Variants in EFHD2 observed in about 807,000 individuals in gnomAD.
EFHD2 encodes EF-hand domain-containing protein D2.
In EFHD2, 12 loss-of-function variants were observed where a neutral mutation model predicts 20.3. The ratio of observed to expected loss-of-function variants is 0.59; its 90% CI spans 0.38 to 0.96. The LOEUF is 0.96. Ranked by LOEUF, EFHD2 falls within the 40% of genes least tolerant of loss-of-function variation. The pLI, the probability that EFHD2 is intolerant of heterozygous loss-of-function variation, is 0.00. For missense variants in EFHD2, 250 were observed against 334.3 expected, an observed-to-expected ratio of 0.75 and a Z score of 1.97; for synonymous variants, 131 against 143.9, an observed-to-expected ratio of 0.91 and a Z score of 0.64.
Position 15,426,056 on chromosome 1 carries a change from C to T in EFHD2, c.456+38C>T. ...CCCAGCCCCACTCCCCTACCAGGGG[C>T]TTCACCTGAGGACCTGGTGGCCCGG... On this transcript the variant is annotated intron_variant, in intron 2 of 3. Coordinates refer to ENST00000375980, the MANE Select transcript of EFHD2 (RefSeq NM_024329.6). This position sits in a 1 kb window ranked among gnomAD's most constrained non-coding sequence, Gnocchi z 4.6. The T allele has an allele frequency of 6.5e-7, 1 of 1,531,308 alleles. No individual in the cohort carries two copies. The highest frequency in any genetic ancestry group is 8.7e-7 in the Non-Finnish European group (1 of 1,144,004). The allele number at this position is 1,531,308 out of a possible 1,614,324, so 94.9% of individuals were successfully genotyped here.
chr1:15,410,337 A>C (rs532612685), intron 1 of EFHD2, 58 bp downstream of exon 1: 1 of 1,451,060 alleles, frequency 6.9e-7, no homozygotes, highest in East Asian at 3.1e-5. Flanking sequence ...TCGGGCCCCG[A>C]ACCCCCCGAT....
Position 15,427,281 on chromosome 1 carries a change from C to G in EFHD2, c.588C>G (p.Ala196=), listed in dbSNP as rs763243534. 2 of 1,605,456 alleles carry G rather than the reference C, an allele frequency of 1.2e-6. No individual in the cohort carries two copies. Among genetic ancestry groups the G allele is most frequent in the East Asian group, 4.5e-5 (2 of 44,602 alleles). ...AGGGGGCCAAGAGCTTCTTTGAGGC[C>G]AAGGTGAGGAGCCCAAGGGGTGCCC... is the stretch of plus-strand genomic sequence containing the variant. The part of the protein sequence containing the change: ...GVKGAKSFFE[A]KVQAINVSSR... Residue 196 remains alanine (A), a synonymous_variant, in exon 3 of 4, where the codon GCC becomes GCG. Transcript: ENST00000375980.
rs146569598 is a variant in EFHD2, at chr1:15,429,537, G to C, written c.*813G>C. ...GCACCCCCAGCCAGAACACCCTGAG[G>C]GTCTCGGGGCTCTGGAGAGAGTGGG... is the stretch of plus-strand genomic sequence containing the variant. On this transcript the variant is annotated 3_prime_UTR_variant, in exon 4 of 4. Transcript: ENST00000375980. The C allele has an allele frequency of 6.5e-6, 1 of 152,820 alleles. No individual in the cohort carries two copies. The highest frequency in any genetic ancestry group is 1.5e-5 in the Non-Finnish European group (1 of 68,052). The allele number at this position is 152,820 out of a possible 1,614,324, so 9.5% of individuals were successfully genotyped here.
chr1:15,422,627 C>T (rs1033131475), intron 1 of EFHD2, among the ~76,000 whole-genome samples: 8 of 151,780 alleles, frequency 5.3e-5, no homozygotes, highest in African/African-American at 9.7e-5. Context: ...TTTGGGAGGC[C>T]GAGGCGGACG....
Position 15,428,932 on chromosome 1 carries a change from G to A in EFHD2, c.*208G>A, listed in dbSNP as rs556203696. 42 of 708,926 alleles carry A rather than the reference G, an allele frequency of 5.9e-5. No individual in the cohort carries two copies. Among genetic ancestry groups the A allele is most frequent in the Non-Finnish European group, 7.3e-5 (33 of 449,544 alleles). 43.9% of individuals were successfully genotyped at this position (708,926 alleles called of 1,614,324 possible). ...CCACTCTGCACGAGGCCGCCACACC[G>A]GCGCTGGCTCCCTGCCCGGCCCGGC... is the stretch of plus-strand genomic sequence containing the variant. On this transcript the variant is annotated 3_prime_UTR_variant, in exon 4 of 4. Transcript: ENST00000375980.
chr1:15,428,759 AGT>A lies in EFHD2; in HGVS notation c.*39_*40del. ...CAGCCGACCGCCCTGCTCCGGCCCC[AGT>A]GTGGTGGGCGAGGGTGGCGCATGGG... is the stretch of plus-strand genomic sequence containing the variant. On this transcript the variant is annotated 3_prime_UTR_variant, in exon 4 of 4. Coordinates refer to ENST00000375980, the MANE Select transcript of EFHD2 (RefSeq NM_024329.6). 1.3e-6 allele frequency: 2 copies of A among 1,556,352 alleles called. No homozygotes were observed. Among genetic ancestry groups the A allele is most frequent in the Non-Finnish European group, 1.7e-6 (2 of 1,150,824 alleles).
intron 1 of EFHD2, among the ~76,000 whole-genome samples, chr1:15,418,520 T>G (rs868155197): frequency 2.7e-5 from 4 of 150,874 alleles, no homozygotes; most frequent in Non-Finnish European, 4.4e-5. Flanking sequence ...TTAGCCAGGA[T>G]GGTCTCAATC....
intron 1 of EFHD2, among the ~76,000 whole-genome samples, chr1:15,414,903 G>A (rs1053272744): frequency 6.6e-6 from 1 of 152,338 alleles, no homozygotes; most frequent in South Asian, 2.1e-4. Context: ...GCACAATGGG[G>A]ATTCCCGTCT....
chr1:15,427,865 G>C (rs958975086), intron 3 of EFHD2: 1 of 468,364 alleles, frequency 2.1e-6, no homozygotes, highest in African/African-American at 2.0e-5. Flanking sequence ...TCTGGGCTTC[G>C]GAGCATTGGT....
intron 2 of EFHD2, 89 bp from the exon 3 acceptor site, chr1:15,427,061 C>T: frequency 6.6e-7 from 1 of 1,522,790 alleles, no homozygotes; most frequent in Non-Finnish European, 8.9e-7. Context: ...GCAGGGGAGG[C>T]CTGAGGCTGG....
At chr1:15,422,825 C>T (rs1481516360) in intron 1 of EFHD2, among the ~76,000 whole-genome samples, 1 of 152,128 alleles carries the variant, frequency 6.6e-6, no homozygotes, top group Non-Finnish European at 1.5e-5. Context: ...TGCGCCACTG[C>T]ACTCCAGCCT....
chr1:15,428,322 C>A (rs961408134), intron 3 of EFHD2, among the ~76,000 whole-genome samples: 4 of 152,204 alleles, frequency 2.6e-5, no homozygotes, highest in East Asian at 3.9e-4. Context: ...CATGGTGAAA[C>A]CCCATCTCTA....
In EFHD2 at chr1:15,428,703, G is replaced by A. The variant is rs760698807; in HGVS notation, c.702G>A (p.Glu234=). The A allele has an allele frequency of 1.6e-5, 25 of 1,594,758 alleles. No homozygotes were observed. Among genetic ancestry groups the A allele is most frequent in the Non-Finnish European group, 2.0e-5 (24 of 1,171,532 alleles). Residue 234 remains glutamate (E), a synonymous_variant, in exon 4 of 4, where the codon GAG becomes GAA. Transcript: ENST00000375980. ...AGCAGCGGAAAGCGGCCTTCAAGGA[G>A]CTGCAGTCCACCTTTAAGTAGCGGG... The part of the protein sequence containing the change: ...EMKQRKAAFK[E]LQSTFK
At chr1:15,420,297 T>C (rs12070915) in intron 1 of EFHD2, among the ~76,000 whole-genome samples, 31,319 of 152,236 alleles carry the variant, frequency 0.21, 5,812 homozygotes, top group African/African-American at 0.5. Flanking sequence ...GGACTCACTA[T>C]GTGCCAGGCA....
At chr1:15,410,361 TCCGCCCCGGGAG>T in intron 1 of EFHD2, 82 bp downstream of exon 1, 1 of 1,405,986 alleles carries the variant, frequency 7.1e-7, no homozygotes, top group Non-Finnish European at 9.3e-7. Flanking sequence ...CGGATCCCGC[TCCGCCCCGGGAG>T]CCTGCCGTCA....
chr1:15,417,427 G>A (rs945090064), intron 1 of EFHD2, among the ~76,000 whole-genome samples: 1 of 152,168 alleles, frequency 6.6e-6, no homozygotes, highest in Non-Finnish European at 1.5e-5. Context: ...CCGTGGGTGC[G>A]GTGTGAGGTT....
chr1:15,418,578 T>C (rs1263283460), intron 1 of EFHD2, among the ~76,000 whole-genome samples: 3 of 152,054 alleles, frequency 2.0e-5, no homozygotes, highest in Non-Finnish European at 4.4e-5. Context: ...GTGCTGGGAT[T>C]ACAGGCGGGA....
At chr1:15,421,312 C>T (rs1359348330) in intron 1 of EFHD2, among the ~76,000 whole-genome samples, 1 of 152,170 alleles carries the variant, frequency 6.6e-6, no homozygotes, top group African/African-American at 2.4e-5. Flanking sequence ...ACATCAGAGC[C>T]CAGGGCACAG....
chr1:15,428,045 A>T (rs1435613274), intron 3 of EFHD2: 2 of 467,392 alleles, frequency 4.3e-6, no homozygotes, highest in Non-Finnish European at 8.9e-6. Context: ...ACTCCCTAAG[A>T]TCAGAGTTAT....
Sources: allele counts gnomAD v4.1 joint callset (sites outside exome capture counted in the v4.1 genomes callset), GRCh38; gene constraint gnomAD v4.1.1; non-coding constraint Gnocchi (gnomAD v3.1); transcripts MANE v1.5; gene names NCBI Gene and HGNC (gene_info 2026-07-23, HGNC 2026-07-21).